The following ENTPD3 variants were observed in gnomAD, a reference collection of about 807,000 sequenced individuals.
The protein encoded by ENTPD3 is ectonucleoside triphosphate diphosphohydrolase 3.
In ENTPD3, 60 loss-of-function variants were observed where a neutral mutation model predicts 51.2. The observed-to-expected ratio is 1.17, with a 90% CI of 0.95 to 1.45. The LOEUF is 1.45. Ranked by LOEUF, ENTPD3 falls within the 40% of genes most tolerant of loss-of-function variation. The pLI, the probability that ENTPD3 is intolerant of heterozygous loss-of-function variation, is 0.00. For synonymous variants in ENTPD3, 221 were observed against 238.4 expected, an observed-to-expected ratio of 0.93 and a Z score of 0.67; for missense variants, 593 against 641.1, an observed-to-expected ratio of 0.93 and a Z score of 0.81.
intron 2 of ENTPD3, 91 bp from the exon 3 acceptor site, chr3:40,391,932 G>A: frequency 6.7e-7 from 1 of 1,495,440 alleles, no homozygotes; most frequent in Non-Finnish European, 9.3e-7. Flanking sequence ...TTATGCACCT[G>A]ATTATGGGGC....
chr3:40,420,843 A>C (rs1368207663), intron 7 of ENTPD3, among the ~76,000 whole-genome samples: 1 of 151,926 alleles, frequency 6.6e-6, no homozygotes, highest in Non-Finnish European at 1.5e-5. Context: ...GGTTGGGCTA[A>C]ATGTCTGAGT....
At chr3:40,421,106 C>T (rs1347990862) in intron 7 of ENTPD3, among the ~76,000 whole-genome samples, 1 of 151,428 alleles carries the variant, frequency 6.6e-6, no homozygotes, top group Non-Finnish European at 1.5e-5. Flanking sequence ...TTGCTGCAAC[C>T]TCCGCCTCCC....
At chr3:40,401,189 C>G (rs567597576) in intron 4 of ENTPD3, among the ~76,000 whole-genome samples, 178 bp downstream of exon 4, 5 of 152,268 alleles carry the variant, frequency 3.3e-5, no homozygotes, top group African/African-American at 9.6e-5. Context: ...AATAAACTTG[C>G]TCTAGTCACT....
chr3:40,422,154 A>ACG (rs1955887563), intron 7 of ENTPD3, among the ~76,000 whole-genome samples: 2 of 151,916 alleles, frequency 1.3e-5, no homozygotes, highest in South Asian at 4.2e-4. Flanking sequence ...ACACACACAC[A>ACG]CACACCCTTT....
intron 10 of ENTPD3, chr3:40,425,038 A>G (rs1009423419): frequency 3.1e-6 from 1 of 326,392 alleles, no homozygotes; most frequent in African/African-American, 2.1e-5. Flanking sequence ...TTTGAATGCC[A>G]GTTTGAGTTG....
At chr3:40,398,995 G>T (rs1177917314) in intron 3 of ENTPD3, among the ~76,000 whole-genome samples, 1 of 152,128 alleles carries the variant, frequency 6.6e-6, no homozygotes, top group Admixed American at 6.5e-5. Flanking sequence ...GCGGAGGTGG[G>T]TGAATCACTT....
At position 40,420,337 on chromosome 3, in the gene ENTPD3, G is replaced by A. The variant is rs559380339; in HGVS notation, c.832-2513G>A. ...TGCAAGCTCTGCCTCTCGGGTTCAC[G>A]CCATTCTCCTACCTCAGCCTCCCGA... On this transcript the variant is annotated intron_variant, in intron 7 of 10. Transcript: ENST00000301825. 2.0e-5 allele frequency among the ~76,000 whole-genome samples: 3 copies of A among 150,982 alleles called. No individual in the cohort carries two copies. The Admixed American group carries it at 2.0e-4, about 10-fold the overall frequency.
At position 40,424,734 on chromosome 3, in the gene ENTPD3, T is replaced by C. The variant is rs1575236047; in HGVS notation, c.1353+771T>C. 7.1e-6 allele frequency: 5 copies of C among 701,926 alleles called. No individual in the cohort carries two copies. In the East Asian group the frequency reaches 1.3e-4, roughly 19 times the overall value. The allele number at this position is 701,926 out of a possible 1,614,324, so 43.5% of individuals were successfully genotyped here. A position where few individuals can be genotyped will look rare whatever the true frequency, so the allele number is the denominator to read the frequency against. On this transcript the variant is annotated intron_variant, in intron 10 of 10. Coordinates refer to ENST00000301825, the MANE Select transcript of ENTPD3 (RefSeq NM_001248.4). ...GTGAATATGTTCAGCCAGCACTATG[T>C]TCCCCAGGTTCCAGAGAATTTTCTC...
chr3:40,403,527 C>T (rs1955419924), intron 4 of ENTPD3, among the ~76,000 whole-genome samples: 1 of 152,152 alleles, frequency 6.6e-6, no homozygotes, highest in Middle Eastern at 3.2e-3. Flanking sequence ...TTGAGCAAGG[C>T]AGCTCTCTGC....
chr3:40,400,913 C>T lies in ENTPD3; in HGVS notation c.188C>T (p.Ala63Val). 1.9e-6 allele frequency: 3 copies of T among 1,613,488 alleles called. No homozygotes were observed. Among genetic ancestry groups the T allele is most frequent in the Non-Finnish European group, 1.7e-6 (2 of 1,179,772 alleles). Residue 63 changes from alanine to valine, a missense_variant, in exon 4 of 11, where the codon GCC (alanine) becomes GTC (valine). Ala to Val is a moderately conservative substitution (Grantham distance 64). Coordinates refer to ENST00000301825, the MANE Select transcript of ENTPD3 (RefSeq NM_001248.4). ...ATTCAGTATGGTATTGTGCTGGATG[C>T]CGGGTCTTCAAGAACCACAGTCTAC... Reference protein sequence around the residue: ...PGLKYGIVLDAGSSRTTVYVY... With the variant: ...PGLKYGIVLDVGSSRTTVYVY...
intron 4 of ENTPD3, among the ~76,000 whole-genome samples, chr3:40,405,288 T>C (rs1955463742): frequency 1.3e-5 from 2 of 152,096 alleles, no homozygotes; most frequent in African/African-American, 2.4e-5. Context: ...GTGGATCACC[T>C]GAGGCAAAGA....
chr3:40,415,615 T>A (rs1486016442), intron 6 of ENTPD3, among the ~76,000 whole-genome samples: 5 of 152,174 alleles, frequency 3.3e-5, no homozygotes, highest in Admixed American at 3.3e-4. Flanking sequence ...CAGTCCCTAT[T>A]ATACACCTAA....
intron 4 of ENTPD3, among the ~76,000 whole-genome samples, chr3:40,406,068 G>A (rs1307736995): frequency 3.3e-5 from 5 of 152,170 alleles, no homozygotes; most frequent in Non-Finnish European, 7.3e-5. Context: ...GGCATATAAC[G>A]AGTGTCAGGC....
chr3:40,408,175 T>C (rs1658250538), intron 4 of ENTPD3, among the ~76,000 whole-genome samples: 1 of 152,202 alleles, frequency 6.6e-6, no homozygotes, highest in African/African-American at 2.4e-5. Context: ...ATACAAGGTA[T>C]GGACTTTGGT....
chr3:40,394,040 C>T (rs1479498320), intron 3 of ENTPD3, among the ~76,000 whole-genome samples: 1 of 86,826 alleles, frequency 1.2e-5, no homozygotes, highest in African/African-American at 4.6e-5. Context: ...CAGAGCGAGA[C>T]TCTGTCTCAA....
At chr3:40,424,041 G>A in intron 10 of ENTPD3, 78 bp downstream of exon 10, 1 of 1,595,554 alleles carries the variant, frequency 6.3e-7, no homozygotes, top group Non-Finnish European at 8.5e-7. Context: ...AAATGTAGAA[G>A]GTAAAAGGGT....
At chr3:40,409,188 G>C (rs1955571486) in intron 4 of ENTPD3, among the ~76,000 whole-genome samples, 1 of 152,002 alleles carries the variant, frequency 6.6e-6, no homozygotes, top group Non-Finnish European at 1.5e-5. Flanking sequence ...GGAGGCGGAG[G>C]CTGTAGTGAG....
intron 4 of ENTPD3, among the ~76,000 whole-genome samples, chr3:40,409,751 A>G (rs1338098628): frequency 6.6e-6 from 1 of 152,220 alleles, no homozygotes; most frequent in African/African-American, 2.4e-5. Flanking sequence ...ATTTAAACTC[A>G]GAGCCTGGAC....
intron 7 of ENTPD3, among the ~76,000 whole-genome samples, chr3:40,420,675 TCA>T (rs1955850349): frequency 6.6e-6 from 1 of 152,144 alleles, no homozygotes; most frequent in Non-Finnish European, 1.5e-5. Flanking sequence ...TGCCTCCTTC[TCA>T]GTCATATGAA....
Sources: gnomAD v4.1 joint callset for allele counts (sites outside exome capture counted in the v4.1 genomes callset) on GRCh38, gnomAD v4.1.1 for gene constraint, MANE v1.5 for transcripts, NCBI Gene and HGNC (gene_info 2026-07-23, HGNC 2026-07-21) for gene names.